Variants in RUNX2 observed in about 807,000 individuals in gnomAD.
RUNX2 encodes runt-related transcription factor 2.
RUNX2 carries 10 observed loss-of-function variants against 51.7 expected under a neutral mutation model. The observed-to-expected ratio is 0.19, with a 90% CI of 0.12 to 0.33. The LOEUF (loss-of-function observed/expected upper bound fraction) is 0.33, where lower values mean the gene tolerates loss of function less well. Among genes scored for constraint, RUNX2 ranks in the 10% least tolerant of loss-of-function variants. RUNX2 has a pLI of 1.00. For synonymous variants in RUNX2, 276 were observed against 273.6 expected (o/e 1.01, Z -0.09); for missense variants, 562 against 691.3 (o/e 0.81, Z 2.10).
Position 45,514,038 on chromosome 6 carries a change from G to C in RUNX2, c.1021+1631G>C, listed in dbSNP as rs368000592. 2.5e-4 allele frequency among the ~76,000 whole-genome samples: 38 copies of C among 152,272 alleles called. 2 individuals are homozygous for C. Among genetic ancestry groups the C allele is most frequent in the African/African-American group, 7.5e-4 (31 of 41,560 alleles). On this transcript the variant is annotated intron_variant, in intron 7 of 8. Coordinates refer to ENST00000647337, the MANE Select transcript of RUNX2 (RefSeq NM_001024630.4). Reference sequence around the variant, plus strand: ...AATAGACTTATGCAAACTTGCTTCTGTTTGGGGTCCCCTGGGGCTTCCATC... The same window carrying C: ...AATAGACTTATGCAAACTTGCTTCTCTTTGGGGTCCCCTGGGGCTTCCATC...
intron 5 of RUNX2, among the ~76,000 whole-genome samples, chr6:45,438,323 C>G (rs1395574598): frequency 3.3e-5 from 5 of 152,108 alleles, no homozygotes; most frequent in Admixed American, 2.0e-4. Context: ...TAACTATTTG[C>G]TAAGAAATTT....
intron 5 of RUNX2, among the ~76,000 whole-genome samples, chr6:45,466,088 C>A (rs1202892305): frequency 6.6e-6 from 1 of 151,834 alleles, no homozygotes; most frequent in Non-Finnish European, 1.5e-5. Flanking sequence ...CCGAGGCGGG[C>A]GGATCACTTG....
At chr6:45,487,365 T>G (rs1800314779) in intron 5 of RUNX2, among the ~76,000 whole-genome samples, 1 of 152,144 alleles carries the variant, frequency 6.6e-6, no homozygotes, top group Non-Finnish European at 1.5e-5. Context: ...AGGGTCCTCA[T>G]CCATAAAAGA....
At chr6:45,357,169 G>T (rs1327943581) in intron 2 of RUNX2, among the ~76,000 whole-genome samples, 1 of 151,820 alleles carries the variant, frequency 6.6e-6, no homozygotes, top group Non-Finnish European at 1.5e-5. Flanking sequence ...ACCAAGCCTG[G>T]CTAATTTTTT....
chr6:45,404,795 T>A (rs375485081), intron 2 of RUNX2, among the ~76,000 whole-genome samples: 1 of 152,264 alleles, frequency 6.6e-6, no homozygotes, highest in Non-Finnish European at 1.5e-5. Flanking sequence ...TAGATTTCAA[T>A]GCTCCCTTCA....
chr6:45,354,757 T>C (rs891634330), intron 2 of RUNX2, among the ~76,000 whole-genome samples: 4 of 152,072 alleles, frequency 2.6e-5, no homozygotes, highest in African/African-American at 9.7e-5. Context: ...CCCAGTACTT[T>C]GGGAGGCTGA....
intron 2 of RUNX2, among the ~76,000 whole-genome samples, chr6:45,375,357 A>C (rs1295095136): frequency 6.6e-6 from 1 of 152,216 alleles, no homozygotes; most frequent in African/African-American, 2.4e-5. Flanking sequence ...ATTAAATAAA[A>C]TAATTGTGCT....
intron 7 of RUNX2, among the ~76,000 whole-genome samples, chr6:45,537,134 T>G (rs1030880004): frequency 6.6e-6 from 1 of 152,196 alleles, no homozygotes; most frequent in African/African-American, 2.4e-5. Context: ...CTAAGGAATA[T>G]AAAACATGGT....
At position 45,460,225 on chromosome 6, in the gene RUNX2, A is replaced by G. The variant is rs556501672; in HGVS notation, c.685+22174A>G. ...CTCAACATTGGAAATAGGGATTAGG[A>G]AGAGGAGCCAATGTGGGACCCTGAG... On this transcript the variant is annotated intron_variant, in intron 5 of 8. Transcript: ENST00000647337. 3.3e-5 allele frequency among the ~76,000 whole-genome samples: 5 copies of G among 152,254 alleles called. No homozygotes were observed. The South Asian group carries it at 8.3e-4, about 25-fold the overall frequency.
At chr6:45,354,623 G>A (rs930048469) in intron 2 of RUNX2, among the ~76,000 whole-genome samples, 2 of 100,726 alleles carry the variant, frequency 2.0e-5, no homozygotes, top group Non-Finnish European at 4.3e-5. Context: ...ACAAATGCAC[G>A]CACACATACA....
chr6:45,365,776 T>C (rs939610113), intron 2 of RUNX2, among the ~76,000 whole-genome samples: 2 of 151,230 alleles, frequency 1.3e-5, no homozygotes, highest in African/African-American at 4.9e-5. Flanking sequence ...AAAGAAACAA[T>C]TCCACAGCTG....
chr6:45,422,454 C>T (rs1360011299), intron 2 of RUNX2, 139 bp from the exon 3 acceptor site: 1 of 747,176 alleles, frequency 1.3e-6, no homozygotes, highest in Non-Finnish European at 2.3e-6. Context: ...CTCACCTCCT[C>T]AGCCCCATCA....
At chr6:45,367,838 C>G (rs1478467381) in intron 2 of RUNX2, among the ~76,000 whole-genome samples, 1 of 152,152 alleles carries the variant, frequency 6.6e-6, no homozygotes, top group East Asian at 1.9e-4. Flanking sequence ...CTTTCACAGT[C>G]AAGTCAATTT....
chr6:45,350,032 T>C (rs537864495), intron 2 of RUNX2, among the ~76,000 whole-genome samples: 2 of 152,232 alleles, frequency 1.3e-5, no homozygotes, highest in Non-Finnish European at 2.9e-5. Flanking sequence ...ATTGCCACTA[T>C]ATGTAAAGAT....
chr6:45,454,454 T>C (rs1316603276), intron 5 of RUNX2, among the ~76,000 whole-genome samples: 1 of 152,226 alleles, frequency 6.6e-6, no homozygotes, highest in Non-Finnish European at 1.5e-5. Flanking sequence ...TGCCTTTGGT[T>C]ATTACCACTT....
At chr6:45,534,200 G>A (rs12208240) in intron 7 of RUNX2, among the ~76,000 whole-genome samples, 10,328 of 151,914 alleles carry the variant, frequency 0.068, 457 homozygotes, top group Admixed American at 0.16. Context: ...CAGACCTCCC[G>A]TTGAGACTTC....
intron 2 of RUNX2, among the ~76,000 whole-genome samples, chr6:45,347,892 T>C (rs763518905): frequency 1.3e-5 from 2 of 152,118 alleles, no homozygotes; most frequent in Non-Finnish European, 2.9e-5. Context: ...TGAAACAGAA[T>C]GTCAGTATGG....
intron 5 of RUNX2, among the ~76,000 whole-genome samples, chr6:45,485,724 TTTAGCATCATCTTATCTCACAAG>T (rs1800265600): frequency 7.0e-6 from 1 of 143,274 alleles, no homozygotes; most frequent in Non-Finnish European, 1.6e-5. Flanking sequence ...TATACACATA[TTTAGCATCATCTTATCTCACAAG>T]ATATTTATTA....
At chr6:45,405,649 C>T (rs1228057091) in intron 2 of RUNX2, among the ~76,000 whole-genome samples, 6 of 152,010 alleles carry the variant, frequency 3.9e-5, no homozygotes, top group South Asian at 4.2e-4. Context: ...ATTAGCCGGG[C>T]GGTGGTGGGC....
Sources: allele counts gnomAD v4.1 joint callset (sites outside exome capture counted in the v4.1 genomes callset), GRCh38; gene constraint gnomAD v4.1.1; transcripts MANE v1.5; gene names NCBI Gene and HGNC (gene_info 2026-07-23, HGNC 2026-07-21).